PLAT: variants seen among roughly 807,000 people sequenced by gnomAD.
PLAT encodes the protein plasminogen activator, tissue type.
A neutral mutation model predicts 74.9 loss-of-function variants in PLAT; 48 were observed. The observed-to-expected ratio is 0.64, with a 90% confidence interval of 0.51 to 0.82. PLAT has a LOEUF of 0.82. Among genes scored for constraint, PLAT ranks in the 40% least tolerant of loss-of-function variants. The probability of loss-of-function intolerance (pLI) is 0.00; values close to 1 mark genes in which losing one functional copy is unlikely to be tolerated. For synonymous variants in PLAT, 307 were observed against 294.4 expected (o/e 1.04, Z -0.44); for missense variants, 673 against 736.2 (o/e 0.91, Z 0.99).
At chr8:42,192,008 T>TTC (rs1554498478) in intron 2 of PLAT, among the ~76,000 whole-genome samples, 1 of 150,264 alleles carries the variant, frequency 6.7e-6, no homozygotes, top group Non-Finnish European at 1.5e-5. Flanking sequence ...TTTTCTTTTT[T>TTC]TTTTTTTTTT....
At chr8:42,199,443 C>G (rs1382812943) in intron 1 of PLAT, among the ~76,000 whole-genome samples, 1 of 152,182 alleles carries the variant, frequency 6.6e-6, no homozygotes, top group African/African-American at 2.4e-5. Flanking sequence ...CCCATGTCTT[C>G]AAAAGAATAG....
chr8:42,202,704 ACACT>A (rs975478949), intron 1 of PLAT, among the ~76,000 whole-genome samples: 2 of 152,034 alleles, frequency 1.3e-5, no homozygotes, highest in Non-Finnish European at 1.5e-5. Context: ...GAATAACTAG[ACACT>A]CAGGGTACAG....
At chr8:42,182,919 CAA>C in intron 7 of PLAT, 29 bp from the exon 8 acceptor site, 1 of 1,586,836 alleles carries the variant, frequency 6.3e-7, no homozygotes, top group Non-Finnish European at 8.6e-7. Flanking sequence ...CAAACTGAAA[CAA>C]AAACAAATTC....
chr8:42,185,197 C>A, intron 6 of PLAT, 25 bp from the exon 7 acceptor site: 1 of 1,518,822 alleles, frequency 6.6e-7, no homozygotes, highest in South Asian at 1.2e-5. Flanking sequence ...AAGGGAAGGG[C>A]CAGGGTAGGT....
chr8:42,198,345 A>T (rs1296862337), intron 1 of PLAT, among the ~76,000 whole-genome samples: 1 of 152,216 alleles, frequency 6.6e-6, no homozygotes, highest in Admixed American at 6.5e-5. Context: ...CAAAAAAATT[A>T]GCTGGGCATG....
chr8:42,182,100 T>C (rs1805272405), intron 8 of PLAT, 78 bp from the exon 9 acceptor site: 2 of 895,472 alleles, frequency 2.2e-6, no homozygotes, highest in African/African-American at 1.7e-5. Context: ...TCTTGCCATG[T>C]TGCCCAGGCT....
chr8:42,191,937 A>G (rs1805702794), intron 2 of PLAT, among the ~76,000 whole-genome samples: 1 of 150,714 alleles, frequency 6.6e-6, no homozygotes. Flanking sequence ...CATCTCAGCT[A>G]GAGAGTAGGC....
chr8:42,182,631 G>A, intron 8 of PLAT, 88 bp downstream of exon 8: 1 of 1,005,424 alleles, frequency 9.9e-7, no homozygotes, highest in Non-Finnish European at 1.5e-6. Flanking sequence ...GGTCTGTCAT[G>A]CAACTTGAGA....
Position 42,189,074 on chromosome 8 carries a change from A to G in PLAT, c.116-3T>C. On this transcript the variant is annotated splice_region_variant and splice_polypyrimidine_tract_variant and intron_variant, in intron 3 of 13. Transcript: ENST00000220809. ...CGTTTTTTCATCTCTGCAGATCACT[A>G]TGAGAAAAGACAGGCCAGCCTCATC... is the stretch of plus-strand genomic sequence containing the variant. The G allele has an allele frequency of 4.3e-6, 7 of 1,612,058 alleles. No individual in the cohort carries two copies. The highest frequency in any genetic ancestry group is 5.1e-6 in the Non-Finnish European group (6 of 1,178,258).
rs8178696 is a variant in PLAT at position 42,201,704 on chromosome 8, C to A, written c.-27+5790G>T. Among the ~76,000 whole-genome samples the A allele has an allele frequency of 8.7e-3, 1,327 of 152,278 alleles. 18 individuals carry two copies. The highest frequency in any genetic ancestry group is 0.03 in the African/African-American group (1,261 of 41,526). On this transcript the variant is annotated intron_variant, in intron 1 of 13. Coordinates refer to ENST00000220809, the MANE Select transcript of PLAT (RefSeq NM_000930.5). ...TGCTTTTTTATTTGCCTTTCCCACA[C>A]CATGCATGCAGAGGCCACTGTGGAC...
intron 1 of PLAT, among the ~76,000 whole-genome samples, chr8:42,204,338 G>A (rs1806251971): frequency 6.6e-6 from 1 of 152,116 alleles, no homozygotes; most frequent in Admixed American, 6.5e-5. Flanking sequence ...AGAATGCACT[G>A]GTCCCTTATT....
intron 9 of PLAT, 69 bp downstream of exon 9, chr8:42,181,868 A>T: frequency 2.2e-6 from 2 of 929,036 alleles, no homozygotes; most frequent in East Asian, 2.5e-5. Flanking sequence ...ATGAAGGCCT[A>T]GAAAGTGGCG....
At chr8:42,187,214 A>C (rs1477416177) in intron 6 of PLAT, 184 bp downstream of exon 6, 1 of 499,424 alleles carries the variant, frequency 2.0e-6, no homozygotes, top group Non-Finnish European at 3.5e-6. Flanking sequence ...TCTATCACCT[A>C]TCATCTATCA....
intron 1 of PLAT, among the ~76,000 whole-genome samples, chr8:42,194,050 C>CTTTCTTT (rs1805798207): frequency 1.2e-5 from 1 of 84,910 alleles, no homozygotes; most frequent in African/African-American, 5.0e-5. Flanking sequence ...TTTCTTCTTT[C>CTTTCTTT]TTTTTTTTTT....
chr8:42,189,204 C>A, intron 3 of PLAT, 133 bp from the exon 4 acceptor site: 1 of 847,550 alleles, frequency 1.2e-6, no homozygotes, highest in Admixed American at 2.3e-5. Flanking sequence ...ATTGAAGAGA[C>A]ACAACTGGAA....
intron 1 of PLAT, among the ~76,000 whole-genome samples, chr8:42,203,349 C>A (rs1230447052): frequency 6.6e-6 from 1 of 152,210 alleles, no homozygotes; most frequent in Non-Finnish European, 1.5e-5. Flanking sequence ...AGCCAAGTCG[C>A]TGCTGGGTCT....
Position 42,176,110 on chromosome 8 carries a change from G to T in PLAT, c.1572C>A (p.Arg524=). 1 of 1,614,006 alleles carries T rather than the reference G, an allele frequency of 6.2e-7. No homozygotes were observed. Among genetic ancestry groups the T allele is most frequent in the Non-Finnish European group, 8.5e-7 (1 of 1,179,940 alleles). ...AGCTGATGATGCCCACCAAAGTCAT[G>T]CGGCCATCGTTCAGACACACCAGGG... ...GGPLVCLNDG[R]MTLVGIISWG... The change falls in exon 14 of 14, where the codon CGC becomes CGA. Residue 524 remains arginine, a synonymous_variant. Transcript: ENST00000220809.
At chr8:42,204,321 A>G (rs2129831798) in intron 1 of PLAT, among the ~76,000 whole-genome samples, 1 of 152,280 alleles carries the variant, frequency 6.6e-6, no homozygotes, top group East Asian at 1.9e-4. Flanking sequence ...CCCAAGAAGG[A>G]ATGAGCAGAA....
chr8:42,198,706 T>C (rs561758689), intron 1 of PLAT, among the ~76,000 whole-genome samples: 1 of 152,358 alleles, frequency 6.6e-6, no homozygotes, highest in South Asian at 2.1e-4. Flanking sequence ...TATCAAATGT[T>C]GCACCATGTG....
Sources: gnomAD v4.1 joint callset for allele counts (sites outside exome capture counted in the v4.1 genomes callset) on GRCh38, gnomAD v4.1.1 for gene constraint, MANE v1.5 for transcripts, NCBI Gene and HGNC (gene_info 2026-07-23, HGNC 2026-07-21) for gene names.